PTPRT: variants seen among roughly 807,000 people sequenced by gnomAD.
PTPRT encodes the protein protein tyrosine phosphatase receptor type T.
A neutral mutation model predicts 176.8 loss-of-function variants in PTPRT; 56 were observed. The observed-to-expected ratio is 0.32, with a 90% CI of 0.26 to 0.40. The LOEUF is 0.40. Ranked by LOEUF, PTPRT falls within the 10% of genes least tolerant of loss-of-function variation. The pLI is 1.00. For missense variants in PTPRT, 1,540 were observed against 1,908.2 expected (o/e 0.81, Z 3.60); for synonymous variants, 783 against 739.0 (o/e 1.06, Z -0.96).
intron 18 of PTPRT, among the ~76,000 whole-genome samples, chr20:42,131,485 T>C (rs755757629): frequency 2.0e-5 from 3 of 152,200 alleles, no homozygotes; most frequent in Non-Finnish European, 4.4e-5. Context: ...TTTTAAAATA[T>C]AAAATGAAGT....
chr20:43,062,829 G>T, intron 1 of PTPRT, among the ~76,000 whole-genome samples: 1 of 152,100 alleles, frequency 6.6e-6, no homozygotes, highest in Non-Finnish European at 1.5e-5. Context: ...CTCTAATAAG[G>T]TCATTGAGGG....
intron 7 of PTPRT, among the ~76,000 whole-genome samples, chr20:42,605,749 C>T (rs1377585150): frequency 1.3e-5 from 2 of 152,172 alleles, no homozygotes; most frequent in African/African-American, 4.8e-5. Context: ...AGGAAACGGG[C>T]TCTCTCCCCC....
At chr20:42,875,079 T>C (rs2078908727) in intron 2 of PTPRT, among the ~76,000 whole-genome samples, 1 of 152,194 alleles carries the variant, frequency 6.6e-6, no homozygotes, top group Non-Finnish European at 1.5e-5. Context: ...TCACTTTCAC[T>C]TCCCATTACA....
chr20:42,475,467 G>A (rs1382409974), intron 7 of PTPRT, among the ~76,000 whole-genome samples: 1 of 152,220 alleles, frequency 6.6e-6, no homozygotes, highest in Non-Finnish European at 1.5e-5. Flanking sequence ...CAGAGTGAGA[G>A]GCACAGCCAA....
At chr20:42,203,165 G>A (rs544149547) in intron 15 of PTPRT, among the ~76,000 whole-genome samples, 8 of 152,236 alleles carry the variant, frequency 5.3e-5, no homozygotes, top group South Asian at 2.1e-4. Context: ...GGAAATGGAG[G>A]GGGTATTTGT....
chr20:42,110,303 G>C (rs972744427), intron 23 of PTPRT, 30 bp downstream of exon 23: 4 of 1,564,314 alleles, frequency 2.6e-6, no homozygotes, highest in Non-Finnish European at 3.5e-6. Context: ...GCCCGCCTCG[G>C]CCTCCCAAGG....
intron 1 of PTPRT, among the ~76,000 whole-genome samples, chr20:42,967,533 G>C (rs1013520072): frequency 7.2e-5 from 11 of 152,104 alleles, no homozygotes; most frequent in Admixed American, 1.3e-4. Flanking sequence ...AGCCTCCAAG[G>C]AAGTGCAGCC....
At position 43,117,882 on chromosome 20, in the gene PTPRT, G is replaced by A. The variant is rs552770076; in HGVS notation, c.88+71764C>T. ...TAAAAAGATTGGTGTGTCAATCAAA[G>A]TGTAAGGCTTAAATCTTCTTGTTCC... On this transcript the variant is annotated intron_variant, in intron 1 of 30. Coordinates refer to ENST00000373187, the MANE Select transcript of PTPRT (RefSeq NM_007050.6). Among the ~76,000 whole-genome samples the A allele has an allele frequency of 9.9e-5, 15 of 152,264 alleles. No individual in the cohort carries two copies. In the South Asian group the frequency reaches 3.1e-3, roughly 32 times the overall value.
intron 2 of PTPRT, among the ~76,000 whole-genome samples, chr20:42,885,418 G>T (rs144671988): frequency 7.0e-4 from 106 of 150,544 alleles, no homozygotes; most frequent in African/African-American, 2.5e-3. Context: ...ATAATAGTCT[G>T]TACTGTTGAA....
intron 1 of PTPRT, among the ~76,000 whole-genome samples, chr20:43,070,114 A>T (rs1043069133): frequency 6.6e-6 from 1 of 151,938 alleles, no homozygotes; most frequent in Non-Finnish European, 1.5e-5. Flanking sequence ...ATTTTTTTTT[A>T]AACATCTGAA....
intron 9 of PTPRT, among the ~76,000 whole-genome samples, chr20:42,418,697 T>C (rs1233436992): frequency 6.6e-6 from 1 of 152,146 alleles, no homozygotes; most frequent in African/African-American, 2.4e-5. Context: ...AGGTATGTAC[T>C]GCCGCTCAGA....
chr20:42,095,718 C>A (rs932167099), intron 27 of PTPRT, among the ~76,000 whole-genome samples: 6 of 152,212 alleles, frequency 3.9e-5, no homozygotes. Context: ...CTGTCTCCTG[C>A]TTTAGAAGAG....
intron 5 of PTPRT, among the ~76,000 whole-genome samples, chr20:42,759,110 G>C (rs1490387020): frequency 6.6e-6 from 1 of 152,206 alleles, no homozygotes; most frequent in Non-Finnish European, 1.5e-5. Context: ...CTTGGAAGCA[G>C]GGGGTCATCA....
At chr20:43,119,509 T>C (rs1194885813) in intron 1 of PTPRT, among the ~76,000 whole-genome samples, 1 of 152,196 alleles carries the variant, frequency 6.6e-6, no homozygotes, top group Non-Finnish European at 1.5e-5. Flanking sequence ...ATCCTATGCA[T>C]AATCCTTCAC....
chr20:42,423,984 T>C (rs2059141925), intron 9 of PTPRT, among the ~76,000 whole-genome samples: 1 of 152,212 alleles, frequency 6.6e-6, no homozygotes, highest in South Asian at 2.1e-4. Context: ...TTTCTGTTAC[T>C]ACATTTTATA....
At chr20:42,602,042 G>A (rs1215467871) in intron 7 of PTPRT, among the ~76,000 whole-genome samples, 1 of 152,094 alleles carries the variant, frequency 6.6e-6, no homozygotes. Context: ...AATAATACAG[G>A]GCTCCATGCC....
chr20:42,893,737 C>T (rs1157743807), intron 1 of PTPRT, among the ~76,000 whole-genome samples: 3 of 151,460 alleles, frequency 2.0e-5, no homozygotes, highest in East Asian at 1.9e-4. Context: ...TGGAAATCAT[C>T]ATTCTCAGTA....
At chr20:42,441,151 G>C (rs2059312694) in intron 9 of PTPRT, among the ~76,000 whole-genome samples, 2 of 152,168 alleles carry the variant, frequency 1.3e-5, no homozygotes, top group Non-Finnish European at 2.9e-5. Context: ...GTCTGTTGCG[G>C]GCCTGGGTGA....
intron 7 of PTPRT, among the ~76,000 whole-genome samples, chr20:42,553,352 ACTCT>A (rs374431838): frequency 6.7e-6 from 1 of 148,760 alleles, no homozygotes; most frequent in East Asian, 2.0e-4. Flanking sequence ...GCCCATTTTC[ACTCT>A]CTCTCATTTT....
Sources: gnomAD v4.1 joint callset for allele counts (sites outside exome capture counted in the v4.1 genomes callset) on GRCh38, gnomAD v4.1.1 for gene constraint, MANE v1.5 for transcripts, NCBI Gene and HGNC (gene_info 2026-07-23, HGNC 2026-07-21) for gene names.